CYTH4: variants seen among roughly 807,000 people sequenced by gnomAD.
CYTH4 encodes the protein cytohesin-4.
Under a neutral mutation model 57.5 loss-of-function variants are expected in CYTH4, and 22 were observed. The observed-to-expected ratio is 0.38, with a 90% CI of 0.27 to 0.55. The LOEUF (loss-of-function observed/expected upper bound fraction) is 0.55, where lower values mean the gene tolerates loss of function less well. Ranked by LOEUF, CYTH4 falls within the 20% of genes least tolerant of loss-of-function variation. The pLI, the probability that CYTH4 is intolerant of heterozygous loss-of-function variation, is 0.74. For missense variants in CYTH4, 420 were observed against 535.6 expected (o/e 0.78, Z 2.13); for synonymous variants, 186 against 206.5 (o/e 0.90, Z 0.85).
intron 1 of CYTH4, among the ~76,000 whole-genome samples, chr22:37,286,376 A>G (rs902773860): frequency 6.6e-6 from 1 of 152,184 alleles, no homozygotes; most frequent in Non-Finnish European, 1.5e-5. Flanking sequence ...GGATGAGCTT[A>G]GAAGTACCTT....
chr22:37,301,047 C>A lies in CYTH4; in HGVS notation c.547+28C>A, dbSNP rs764259266. Reference sequence around the variant, plus strand: ...GCCAGGAGGGGAGTGGGACCCAGGGCTCCGGGACCCCTTCAGCATTGCCAG... The same window carrying A: ...GCCAGGAGGGGAGTGGGACCCAGGGATCCGGGACCCCTTCAGCATTGCCAG... On this transcript the variant is annotated intron_variant, in intron 7 of 12. Coordinates refer to ENST00000248901, the MANE Select transcript of CYTH4 (RefSeq NM_013385.5). 9.5e-6 allele frequency: 15 copies of A among 1,586,918 alleles called. No individual in the cohort carries two copies. The Admixed American group carries it at 2.4e-4, about 25-fold the overall frequency.
chr22:37,290,204 ACC>A (rs1337249022), intron 1 of CYTH4, among the ~76,000 whole-genome samples: 2 of 152,010 alleles, frequency 1.3e-5, no homozygotes, highest in Non-Finnish European at 2.9e-5. Flanking sequence ...GTCTCTATGT[ACC>A]CCCACTCAAA....
chr22:37,296,132 C>A, intron 4 of CYTH4, 67 bp downstream of exon 4: 1 of 1,492,458 alleles, frequency 6.7e-7, no homozygotes, highest in Non-Finnish European at 9.2e-7. Context: ...GCCTGGTGTC[C>A]TCTCGCTCCC....
chr22:37,289,857 G>A (rs1329620059), intron 1 of CYTH4, among the ~76,000 whole-genome samples: 1 of 152,218 alleles, frequency 6.6e-6, no homozygotes, highest in Non-Finnish European at 1.5e-5. Flanking sequence ...GCTGGAAGGA[G>A]CAGGCCATCC....
At chr22:37,300,606 G>A (rs1186172998) in intron 6 of CYTH4, among the ~76,000 whole-genome samples, 1 of 152,242 alleles carries the variant, frequency 6.6e-6, no homozygotes, top group African/African-American at 2.4e-5. Flanking sequence ...CCCCGGGGCA[G>A]GCAGAGGCCG....
At chr22:37,310,851 G>A (rs1929610969) in intron 9 of CYTH4, 137 bp from the exon 10 acceptor site, 1 of 768,552 alleles carries the variant, frequency 1.3e-6, no homozygotes, top group South Asian at 1.6e-5. Flanking sequence ...AGATGTTGGG[G>A]GGAGGTGTGG....
chr22:37,288,764 G>C (rs1050007605), intron 1 of CYTH4, among the ~76,000 whole-genome samples: 1 of 152,190 alleles, frequency 6.6e-6, no homozygotes, highest in African/African-American at 2.4e-5. Context: ...CATCCAAGTG[G>C]ATATCACCTC....
In CYTH4 at chr22:37,313,977, C is replaced by A; in HGVS notation, c.*466C>A. On this transcript the variant is annotated 3_prime_UTR_variant, in exon 13 of 13. Coordinates refer to ENST00000248901, the MANE Select transcript of CYTH4 (RefSeq NM_013385.5). ...AGGGATATCTCTGCCAACCCCTCCC[C>A]TGTCCTCGGGTTGGGCTTGGCCCTC... 1 of 247,142 alleles carries A rather than the reference C, an allele frequency of 4.0e-6. No individual in the cohort carries two copies. 15.3% of individuals were successfully genotyped at this position (247,142 alleles called of 1,614,324 possible).
chr22:37,308,799 CAT>C (rs1387074931), intron 8 of CYTH4, among the ~76,000 whole-genome samples: 3 of 150,630 alleles, frequency 2.0e-5, no homozygotes, highest in Non-Finnish European at 4.4e-5. Flanking sequence ...TGTGAACATG[CAT>C]GTGTGTGCAT....
In CYTH4 at chr22:37,295,319, G is replaced by T. The variant is rs973222955; in HGVS notation, c.167+595G>T. Among the ~76,000 whole-genome samples, 3 of 149,526 alleles carry T rather than the reference G, an allele frequency of 2.0e-5. No individual in the cohort carries two copies. Among genetic ancestry groups the T allele is most frequent in the Non-Finnish European group, 4.5e-5 (3 of 67,202 alleles). On this transcript the variant is annotated intron_variant, in intron 3 of 12. Coordinates refer to ENST00000248901, the MANE Select transcript of CYTH4 (RefSeq NM_013385.5). This position sits in a 1 kb window ranked among gnomAD's most constrained non-coding sequence, Gnocchi z 4.1. ...ATGTCCTGGCAATTTCCCATCCTGC[G>T]CCCGCCACTCCTTAGGTCTCCACCT...
At position 37,297,502 on chromosome 22, in the gene CYTH4, T is replaced by C; in HGVS notation, c.235-62T>C. On this transcript the variant is annotated intron_variant, in intron 4 of 12. Coordinates refer to ENST00000248901, the MANE Select transcript of CYTH4 (RefSeq NM_013385.5). The stretch of plus-strand genomic sequence containing the variant: ...CTGGCCATGGAAGCTCCTTCCTCCC[T>C]TCCCCCTCCCAGGCCTGCTTCCATG... 3 of 1,460,836 alleles carry C rather than the reference T, an allele frequency of 2.1e-6. No individual in the cohort carries two copies. In the South Asian group the frequency reaches 3.4e-5, roughly 17 times the overall value. 90.5% of individuals were successfully genotyped at this position (1,460,836 alleles called of 1,614,324 possible). A position where few individuals can be genotyped will look rare whatever the true frequency, so the allele number is the denominator to read the frequency against.
intron 3 of CYTH4, 127 bp downstream of exon 3, chr22:37,294,851 G>A: frequency 3.5e-6 from 4 of 1,148,676 alleles, no homozygotes; most frequent in Non-Finnish European, 5.1e-6. Flanking sequence ...TGGCCAGGGA[G>A]AAGGAGGCAG....
chr22:37,314,286 C>A lies in CYTH4; in HGVS notation c.*775C>A. ...GAGCCCAGGCTGACTCCGGATTCAA[C>A]GTTGCTGGGGAGAGAAAAGCAGTAT... On this transcript the variant is annotated 3_prime_UTR_variant, in exon 13 of 13. Coordinates refer to ENST00000248901, the MANE Select transcript of CYTH4 (RefSeq NM_013385.5). 2.5e-6 allele frequency: 1 copy of A among 398,674 alleles called. No homozygotes were observed. Among genetic ancestry groups the A allele is most frequent in the East Asian group, 3.6e-5 (1 of 28,078 alleles). The allele number at this position is 398,674 out of a possible 1,614,324, so 24.7% of individuals were successfully genotyped here. A position where few individuals can be genotyped will look rare whatever the true frequency, so the allele number is the denominator to read the frequency against.
chr22:37,286,187 C>T (rs1447625222), intron 1 of CYTH4, among the ~76,000 whole-genome samples: 2 of 152,102 alleles, frequency 1.3e-5, no homozygotes, highest in African/African-American at 2.4e-5. Flanking sequence ...CCAGATTTAG[C>T]GTCCGACGGG....
At chr22:37,308,633 TGTGA>T (rs1044601473) in intron 8 of CYTH4, among the ~76,000 whole-genome samples, 3 of 151,982 alleles carry the variant, frequency 2.0e-5, no homozygotes, top group African/African-American at 7.2e-5. Flanking sequence ...TGCATGTCTG[TGTGA>T]GTATGCATGT....
intron 2 of CYTH4, 136 bp from the exon 3 acceptor site, chr22:37,294,524 C>A: frequency 1.2e-6 from 1 of 868,138 alleles, no homozygotes; most frequent in Non-Finnish European, 1.8e-6. Context: ...AGACTGGGGA[C>A]TCAGGACAGA....
chr22:37,303,434 C>G (rs1929269810), intron 8 of CYTH4, 32 bp downstream of exon 8: 1 of 1,602,524 alleles, frequency 6.2e-7, no homozygotes, highest in Non-Finnish European at 8.5e-7. Flanking sequence ...CAGCCTGGCC[C>G]CGGGGAATCC....
intron 8 of CYTH4, 86 bp downstream of exon 8, chr22:37,303,488 C>T: frequency 6.8e-7 from 1 of 1,478,916 alleles, no homozygotes. Context: ...AGGGGCTCCT[C>T]TGAGATAGAC....
chr22:37,303,556 G>A (rs1929276847), intron 8 of CYTH4, among the ~76,000 whole-genome samples, 154 bp downstream of exon 8: 1 of 152,178 alleles, frequency 6.6e-6, no homozygotes, highest in African/African-American at 2.4e-5. Context: ...GTCTTGAGAG[G>A]CACCGTCACA....
Sources: gnomAD v4.1 joint callset for allele counts (sites outside exome capture counted in the v4.1 genomes callset) on GRCh38, gnomAD v4.1.1 for gene constraint, Gnocchi (gnomAD v3.1) non-coding constraint, MANE v1.5 for transcripts, NCBI Gene and HGNC (gene_info 2026-07-23, HGNC 2026-07-21) for gene names.